The following SARNP variants were observed in gnomAD, a reference collection of about 807,000 sequenced individuals.
The protein encoded by SARNP is SAP domain-containing ribonucleoprotein.
In SARNP, 5 loss-of-function variants were observed where a neutral mutation model predicts 38.1. That is an observed-to-expected ratio of 0.13 (90% CI 0.07 to 0.28). SARNP has a LOEUF of 0.28. SARNP is among the 10% of genes least tolerant of loss of function. The pLI is 1.00. For synonymous variants in SARNP, 84 were observed against 80.6 expected (o/e 1.04, Z -0.23); for missense variants, 180 against 243.9 (o/e 0.74, Z 1.75).
At chr12:55,810,115 T>C (rs544918230) in intron 1 of SARNP, among the ~76,000 whole-genome samples, 1 of 152,344 alleles carries the variant, frequency 6.6e-6, no homozygotes, top group African/African-American at 2.4e-5. Context: ...CTGTGATTTC[T>C]ATTTATTTTT....
At chr12:55,775,969 A>G (rs1879169682) in intron 9 of SARNP, among the ~76,000 whole-genome samples, 2 of 152,142 alleles carry the variant, frequency 1.3e-5, no homozygotes, top group African/African-American at 4.8e-5. Context: ...ATTTCCTATC[A>G]AAAAAATTAA....
At chr12:55,811,396 G>A (rs549913400) in intron 1 of SARNP, among the ~76,000 whole-genome samples, 38 of 152,214 alleles carry the variant, frequency 2.5e-4, no homozygotes, top group Non-Finnish European at 4.9e-4. Flanking sequence ...TGTCTCTACA[G>A]AAAATTAAAA....
intron 6 of SARNP, 96 bp from the exon 7 acceptor site, chr12:55,794,483 T>C (rs1879763684): frequency 9.4e-7 from 1 of 1,067,520 alleles, no homozygotes; most frequent in South Asian, 1.4e-5. Flanking sequence ...TTCTTGCTTG[T>C]GATCTCAAGC....
chr12:55,817,240 A>C (rs1181404668), intron 1 of SARNP, among the ~76,000 whole-genome samples: 3 of 152,166 alleles, frequency 2.0e-5, no homozygotes, highest in African/African-American at 7.2e-5. Flanking sequence ...CAAAAATGCC[A>C]CCATTTGCTA....
At chr12:55,775,558 A>AC (rs1182469616) in intron 9 of SARNP, among the ~76,000 whole-genome samples, 9 of 151,394 alleles carry the variant, frequency 5.9e-5, no homozygotes, top group African/African-American at 2.2e-4. Flanking sequence ...ACAAAAACAA[A>AC]AAAAAAAAAC....
intron 9 of SARNP, among the ~76,000 whole-genome samples, chr12:55,778,211 A>G (rs1276431332): frequency 2.0e-5 from 3 of 151,982 alleles, no homozygotes; most frequent in African/African-American, 7.3e-5. Context: ...CAGTGGCATG[A>G]TCTCAGCTTA....
At chr12:55,774,436 C>T (rs994788908) in intron 9 of SARNP, among the ~76,000 whole-genome samples, 6 of 151,150 alleles carry the variant, frequency 4.0e-5, no homozygotes, top group Admixed American at 2.0e-4. Context: ...TCAAGATCAA[C>T]GGGCTAGGCA....
intron 7 of SARNP, chr12:55,793,330 C>T (rs1325340842): frequency 6.6e-6 from 1 of 152,092 alleles, no homozygotes; most frequent in Non-Finnish European, 1.5e-5. Context: ...GATACATATT[C>T]ATTGTATGGA....
At position 55,791,694 on chromosome 12, in the gene SARNP, CAAAAAAGA is replaced by C. The variant is rs367926867; in HGVS notation, c.407-1110_407-1103del. 9.1e-3 allele frequency among the ~76,000 whole-genome samples: 1,368 copies of C among 150,748 alleles called. 21 individuals are homozygous for C. Among genetic ancestry groups the C allele is most frequent in the African/African-American group, 0.031 (1,257 of 41,046 alleles). The stretch of plus-strand genomic sequence containing the variant: ...TGGGCGACAGAGCAAGACTCCATCT[CAAAAAAGA>C]AAAAAAGAAAAAAAGAGAAAAAAAG... On this transcript the variant is annotated intron_variant, in intron 7 of 10. Coordinates refer to ENST00000336133, the MANE Select transcript of SARNP (RefSeq NM_033082.4).
Position 55,803,617 on chromosome 12 carries a change from C to T in SARNP, c.136+12G>A. 1.3e-6 allele frequency: 2 copies of T among 1,557,800 alleles called. No homozygotes were observed. Among genetic ancestry groups the T allele is most frequent in the South Asian group, 1.2e-5 (1 of 85,722 alleles). On this transcript the variant is annotated intron_variant, in intron 2 of 10. Coordinates refer to ENST00000336133, the MANE Select transcript of SARNP (RefSeq NM_033082.4). ...CCTCACTCACATCACTCCGCCTCCACAAAGTACTCACCATGTTCTTCAAGA... is the reference window on the plus strand; with the variant it reads ...CCTCACTCACATCACTCCGCCTCCATAAAGTACTCACCATGTTCTTCAAGA...
At chr12:55,759,512 G>A (rs894222387) in intron 10 of SARNP, among the ~76,000 whole-genome samples, 4 of 151,526 alleles carry the variant, frequency 2.6e-5, no homozygotes, top group Non-Finnish European at 4.4e-5. Flanking sequence ...CCGGTTTCAA[G>A]AGATTCTCAT....
chr12:55,792,187 T>C (rs1425601606), intron 7 of SARNP, among the ~76,000 whole-genome samples: 3 of 152,152 alleles, frequency 2.0e-5, no homozygotes, highest in African/African-American at 4.8e-5. Flanking sequence ...AAAAAAATTT[T>C]TTTTTTCTAA....
rs953357692 is a variant in SARNP, at chr12:55,817,703, T to C, written c.-2A>G. ...GAGCTCCACCGTCTCGGTCGCCATC[T>C]TGTTACCCCTCACTCCACTAGGCCC... On this transcript the variant is annotated 5_prime_UTR_variant, in exon 1 of 11. Transcript: ENST00000336133. 8 of 1,613,134 alleles carry C rather than the reference T, an allele frequency of 5.0e-6. No individual in the cohort carries two copies. The highest frequency in any genetic ancestry group is 3.3e-5 in the Admixed American group (2 of 59,830).
chr12:55,756,768 C>T (rs1198446051), downstream of SARNP: 1 of 152,168 alleles, frequency 6.6e-6, no homozygotes, highest in Non-Finnish European at 1.5e-5. Context: ...ATTCTGCATA[C>T]AAAATTTCTT....
intron 9 of SARNP, 95 bp downstream of exon 9, chr12:55,788,980 C>T: frequency 1.3e-6 from 1 of 781,670 alleles, no homozygotes; most frequent in East Asian, 2.6e-5. Context: ...GCTTTGTAGC[C>T]AGCTACATTC....
chr12:55,764,832 C>CAAAAAAAAAA (rs1162009254), intron 9 of SARNP, among the ~76,000 whole-genome samples: 2 of 62,052 alleles, frequency 3.2e-5, no homozygotes, highest in African/African-American at 9.2e-5. Context: ...CTCTGTCTCA[C>CAAAAAAAAAA]AAAAAAAAAA....
chr12:55,796,495 TG>T (rs1489135917), intron 4 of SARNP, among the ~76,000 whole-genome samples: 1 of 152,142 alleles, frequency 6.6e-6, no homozygotes, highest in Non-Finnish European at 1.5e-5. Flanking sequence ...CTCCACCTCC[TG>T]GGTTCAAGAG....
At chr12:55,801,808 G>A (rs1879987842) in intron 2 of SARNP, among the ~76,000 whole-genome samples, 2 of 151,940 alleles carry the variant, frequency 1.3e-5, no homozygotes, top group African/African-American at 2.4e-5. Context: ...CTTAGAGATG[G>A]GATCTCACTA....
intron 9 of SARNP, among the ~76,000 whole-genome samples, chr12:55,788,436 T>C (rs1173816706): frequency 6.6e-6 from 1 of 152,188 alleles, no homozygotes; most frequent in African/African-American, 2.4e-5. Context: ...ATGCCTATTA[T>C]CAAAGTTAAA....
Sources: allele counts gnomAD v4.1 joint callset (sites outside exome capture counted in the v4.1 genomes callset), GRCh38; gene constraint gnomAD v4.1.1; transcripts MANE v1.5; gene names NCBI Gene and HGNC (gene_info 2026-07-23, HGNC 2026-07-21).